Variants in SLC3A2 observed in about 807,000 individuals in gnomAD.
The protein encoded by SLC3A2 is solute carrier family 3 member 2.
Under a neutral mutation model 48.5 loss-of-function variants are expected in SLC3A2, and 32 were observed. That is an observed-to-expected ratio of 0.66 (90% CI 0.50 to 0.89). SLC3A2 has a LOEUF of 0.89. Ranked by LOEUF, SLC3A2 falls within the 40% of genes least tolerant of loss-of-function variation. The pLI, the probability that SLC3A2 is intolerant of heterozygous loss-of-function variation, is 0.00. For missense variants in SLC3A2, 587 were observed against 680.7 expected (o/e 0.86, Z 1.53); for synonymous variants, 277 against 288.8 (o/e 0.96, Z 0.41).
At chr11:62,877,120 G>C (rs754530642), upstream of SLC3A2, among the ~76,000 whole-genome samples, 13 of 148,750 alleles carry the variant, frequency 8.7e-5, no homozygotes, top group Non-Finnish European at 1.5e-4. Context: ...CAGTACAGTG[G>C]TGCGATCTGG....
At chr11:62,883,109 C>T in intron 3 of SLC3A2, 110 bp downstream of exon 3, 1 of 951,420 alleles carries the variant, frequency 1.1e-6, no homozygotes, top group East Asian at 2.5e-5. Flanking sequence ...TCCCTTTGCT[C>T]CTTAGGACCA....
In SLC3A2 at chr11:62,881,151, T is replaced by G; in HGVS notation, c.128T>G (p.Val43Gly). ...GCGGGAGCCGAGAAGAATGGTCTGG[T>G]GAAGATCAAGGTGGCGGAAGACGAG... ...SLAGAEKNGL[V>G]KIKVAEDEAE... The change falls in exon 1 of 9, where the codon GTG (valine) becomes GGG (glycine). Residue 43 changes from valine (V) to glycine (G), a missense_variant. Transcript: ENST00000338663. This position sits in a 1 kb window ranked among gnomAD's most constrained non-coding sequence, Gnocchi z 4.0. 6.2e-7 allele frequency: 1 copy of G among 1,601,854 alleles called. No individual in the cohort carries two copies. The highest frequency in any genetic ancestry group is 8.5e-7 in the Non-Finnish European group (1 of 1,175,820).
chr11:62,879,932 C>T (rs184844962), upstream of SLC3A2, among the ~76,000 whole-genome samples: 37 of 152,338 alleles, frequency 2.4e-4, no homozygotes, highest in African/African-American at 8.9e-4. Context: ...CAAGGCCTAA[C>T]ATAGTGAAGT....
upstream of SLC3A2, chr11:62,880,762 C>CCA: frequency 1.9e-6 from 1 of 525,686 alleles, no homozygotes; most frequent in East Asian, 3.3e-5. Flanking sequence ...GCAGGAAGTA[C>CCA]TGTCGGAGGC....
At position 62,881,431 on chromosome 11, in the gene SLC3A2, C is replaced by G. The variant is rs760972048; in HGVS notation, c.408C>G (p.Gly136=). ...IGDLQAFQGH[G]AGNLAGLKGR... ...ACCTTCAGGCCTTCCAGGGCCACGG[C>G]GCGGGCAACCTGGCGGGTGAGTGCA... Residue 136 remains glycine (G), a synonymous_variant, in exon 1 of 9, where the codon GGC becomes GGG. Coordinates refer to ENST00000338663, the MANE Select transcript of SLC3A2 (RefSeq NM_001013251.3). The surrounding 1 kb of genome is among the most constrained non-coding windows in gnomAD (Gnocchi z 4.0). The G allele has an allele frequency of 6.3e-7, 1 of 1,586,194 alleles. No individual in the cohort carries two copies. Among genetic ancestry groups the G allele is most frequent in the South Asian group, 1.1e-5 (1 of 89,474 alleles).
At chr11:62,876,872 G>C (rs760538271), upstream of SLC3A2, 6 of 1,044,378 alleles carry the variant, frequency 5.7e-6, no homozygotes, top group South Asian at 1.2e-4. Context: ...GAAGTGCTGG[G>C]ATTACAGGTG....
Position 62,888,124 on chromosome 11 carries a change from C to T in SLC3A2, c.1144-11C>T. 1 of 1,611,934 alleles carries T rather than the reference C, an allele frequency of 6.2e-7. No homozygotes were observed. The highest frequency in any genetic ancestry group is 1.1e-5 in the South Asian group (1 of 91,016). On this transcript the variant is annotated splice_polypyrimidine_tract_variant and intron_variant, in intron 7 of 8. Transcript: ENST00000338663. Reference sequence around the variant, plus strand: ...AGGCCTTTTTAAAGTCCTATTTTCTCTGCTTTTCAGCCTATGGAGGCTCCA... The same window carrying T: ...AGGCCTTTTTAAAGTCCTATTTTCTTTGCTTTTCAGCCTATGGAGGCTCCA...
At chr11:62,884,849 G>A (rs1305369150) in intron 5 of SLC3A2, among the ~76,000 whole-genome samples, 159 bp downstream of exon 5, 2 of 39,256 alleles carry the variant, frequency 5.1e-5, no homozygotes, top group African/African-American at 2.5e-4. Flanking sequence ...TTTTTTTTTT[G>A]AGATGGAGTT....
Position 62,881,871 on chromosome 11 carries a change from G to A in SLC3A2, c.425-22G>A. Reference sequence around the variant, plus strand: ...GGGGCCTCTCAGAGGGGCCTCACTTGTTAACCCAGCCCCCATTTCAGGTCT... The same window carrying A: ...GGGGCCTCTCAGAGGGGCCTCACTTATTAACCCAGCCCCCATTTCAGGTCT... On this transcript the variant is annotated intron_variant, in intron 1 of 8. Coordinates refer to ENST00000338663, the MANE Select transcript of SLC3A2 (RefSeq NM_001013251.3). The surrounding 1 kb of genome is among the most constrained non-coding windows in gnomAD (Gnocchi z 4.0). 1 of 1,611,232 alleles carries A rather than the reference G, an allele frequency of 6.2e-7. No individual in the cohort carries two copies. Among genetic ancestry groups the A allele is most frequent in the South Asian group, 1.1e-5 (1 of 91,020 alleles).
chr11:62,874,572 C>A (rs1457835189), intron 1 of SLC3A2, among the ~76,000 whole-genome samples: 1 of 152,106 alleles, frequency 6.6e-6, no homozygotes, highest in Non-Finnish European at 1.5e-5. Flanking sequence ...AGTAAGACAA[C>A]CCTGACAGGT....
intron 1 of SLC3A2, among the ~76,000 whole-genome samples, chr11:62,858,126 AATTAG>A (rs891904517): frequency 6.6e-6 from 1 of 152,212 alleles, no homozygotes; most frequent in African/African-American, 2.4e-5. Context: ...CAAGGGCATT[AATTAG>A]ATTGCCATAG....
intron 1 of SLC3A2, among the ~76,000 whole-genome samples, chr11:62,865,703 C>T (rs1438137337): frequency 6.6e-6 from 1 of 152,064 alleles, no homozygotes; most frequent in Non-Finnish European, 1.5e-5. Flanking sequence ...TAGTAGCATC[C>T]TTTTTGGCTA....
chr11:62,870,015 TCTCGAA>T (rs1239756233), intron 1 of SLC3A2, among the ~76,000 whole-genome samples: 3 of 151,870 alleles, frequency 2.0e-5, no homozygotes, highest in Non-Finnish European at 4.4e-5. Context: ...GCCAGGCTTG[TCTCGAA>T]CTCCTGACCT....
intron 1 of SLC3A2, among the ~76,000 whole-genome samples, chr11:62,869,023 C>G (rs1225742119): frequency 2.0e-5 from 3 of 151,730 alleles, no homozygotes; most frequent in African/African-American, 7.3e-5. Context: ...CTCAGCCTCC[C>G]GAATAGCTGG....
chr11:62,884,119 T>C (rs546815231), intron 3 of SLC3A2: 1 of 498,722 alleles, frequency 2.0e-6, no homozygotes, highest in Non-Finnish European at 3.9e-6. Flanking sequence ...ATAGGTATGC[T>C]AACATTCCAA....
chr11:62,885,456 T>C lies in SLC3A2; in HGVS notation c.1000-9T>C. 6.2e-7 allele frequency: 1 copy of C among 1,614,178 alleles called. No homozygotes were observed. ...GTTATGGGGCTCACTGGAGTGTCTC[T>C]CCCTGTAGTTGTCTCAGGCAAGGCT... On this transcript the variant is annotated splice_polypyrimidine_tract_variant and intron_variant, in intron 6 of 8. Coordinates refer to ENST00000338663, the MANE Select transcript of SLC3A2 (RefSeq NM_001013251.3).
In SLC3A2 at chr11:62,881,589, T is replaced by G; in HGVS notation, c.424+142T>G. On this transcript the variant is annotated intron_variant, in intron 1 of 8. Coordinates refer to ENST00000338663, the MANE Select transcript of SLC3A2 (RefSeq NM_001013251.3). This position sits in a 1 kb window ranked among gnomAD's most constrained non-coding sequence, Gnocchi z 4.0. ...GACTGTTCCCCCTTCCCCCACCCCC[T>G]CCCCGGCACATTGTCCTTCCCTCCT... 5 of 857,396 alleles carry G rather than the reference T, an allele frequency of 5.8e-6. No homozygotes were observed. The highest frequency in any genetic ancestry group is 6.1e-6 in the Non-Finnish European group (4 of 656,886). 53.1% of individuals were successfully genotyped at this position (857,396 alleles called of 1,614,324 possible). A position where few individuals can be genotyped will look rare whatever the true frequency, so the allele number is the denominator to read the frequency against.
intron 1 of SLC3A2, among the ~76,000 whole-genome samples, chr11:62,857,231 C>T (rs2085341498): frequency 6.6e-6 from 1 of 152,222 alleles, no homozygotes; most frequent in Non-Finnish European, 1.5e-5. Flanking sequence ...AAGCGATTCT[C>T]CTTCCTCAGC....
At chr11:62,876,979 C>A, upstream of SLC3A2, 1 of 984,730 alleles carries the variant, frequency 1.0e-6, no homozygotes, top group Non-Finnish European at 1.2e-6. Flanking sequence ...TATGATACAG[C>A]GTTATTTAAA....
Sources: gnomAD v4.1 joint callset for allele counts (sites outside exome capture counted in the v4.1 genomes callset) on GRCh38, gnomAD v4.1.1 for gene constraint, Gnocchi (gnomAD v3.1) non-coding constraint, MANE v1.5 for transcripts, NCBI Gene and HGNC (gene_info 2026-07-23, HGNC 2026-07-21) for gene names.